KCNIP4: variants seen among roughly 807,000 people sequenced by gnomAD.
KCNIP4 encodes potassium voltage-gated channel interacting protein 4.
KCNIP4 carries 12 observed loss-of-function variants against 34.0 expected under a neutral mutation model. The observed-to-expected ratio is 0.35, with a 90% CI of 0.23 to 0.57. KCNIP4 has a LOEUF of 0.57. KCNIP4 is among the 20% of genes least tolerant of loss of function. The pLI, the probability that KCNIP4 is intolerant of heterozygous loss-of-function variation, is 0.83. For synonymous variants in KCNIP4, 124 were observed against 102.2 expected, an observed-to-expected ratio of 1.21 and a Z score of -1.29; for missense variants, 238 against 311.7, an observed-to-expected ratio of 0.76 and a Z score of 1.78.
intron 3 of KCNIP4, among the ~76,000 whole-genome samples, chr4:20,776,337 T>C (rs1039053486): frequency 1.8e-4 from 27 of 152,218 alleles, no homozygotes; most frequent in Non-Finnish European, 4.4e-5. Context: ...TACCAGTTGT[T>C]AACCTTAATG....
chr4:21,649,971 A>G (rs541799548), intron 1 of KCNIP4, among the ~76,000 whole-genome samples: 71 of 152,328 alleles, frequency 4.7e-4, no homozygotes, highest in Middle Eastern at 3.4e-3. Flanking sequence ...GCACACAACC[A>G]CAAATCTTTG....
At chr4:21,796,625 C>T (rs1046289765) in intron 1 of KCNIP4, among the ~76,000 whole-genome samples, 7 of 152,208 alleles carry the variant, frequency 4.6e-5, no homozygotes, top group Non-Finnish European at 1.0e-4. Context: ...AAGGAGGTAG[C>T]CATCTCTAAG....
chr4:21,439,729 T>C (rs1727283037), intron 1 of KCNIP4, among the ~76,000 whole-genome samples: 1 of 144,376 alleles, frequency 6.9e-6, no homozygotes, highest in East Asian at 2.0e-4. Flanking sequence ...AGCCATTTTA[T>C]GAGTGAAAGA....
intron 1 of KCNIP4, among the ~76,000 whole-genome samples, chr4:21,030,488 C>T (rs182315685): frequency 2.2e-4 from 34 of 152,132 alleles, no homozygotes; most frequent in South Asian, 1.5e-3. Context: ...CAAAACCATC[C>T]GCTGCTCCCC....
intron 1 of KCNIP4, among the ~76,000 whole-genome samples, chr4:21,575,088 G>A (rs1045475055): frequency 5.3e-5 from 8 of 152,110 alleles, no homozygotes; most frequent in African/African-American, 1.7e-4. Context: ...GTACAATACT[G>A]CATAACTTGT....
chr4:21,286,383 A>G (rs1262727347), intron 1 of KCNIP4, among the ~76,000 whole-genome samples: 1 of 152,156 alleles, frequency 6.6e-6, no homozygotes. Flanking sequence ...AGTAGACAGC[A>G]CCTCTAACTG....
rs527633070 is a variant in KCNIP4, at chr4:21,316,011, A to G, written c.62-433302T>C. On this transcript the variant is annotated intron_variant, in intron 1 of 8. Coordinates refer to ENST00000382152, the MANE Select transcript of KCNIP4 (RefSeq NM_025221.6). Reference sequence around the variant, plus strand: ...CATGAGAAACTACTGCTGTAACCCAAATGCCAGGGTGATTCCTCCAACTGC... The same window carrying G: ...CATGAGAAACTACTGCTGTAACCCAGATGCCAGGGTGATTCCTCCAACTGC... Among the ~76,000 whole-genome samples, 8 of 152,220 alleles carry G rather than the reference A, an allele frequency of 5.3e-5. No homozygotes were observed. The South Asian group carries it at 1.7e-3, about 32-fold the overall frequency.
intron 1 of KCNIP4, among the ~76,000 whole-genome samples, chr4:21,616,188 C>T (rs1018331122): frequency 1.3e-4 from 20 of 152,246 alleles, no homozygotes; most frequent in African/African-American, 4.8e-4. Context: ...CTTAGGGTCT[C>T]CCATTCCCTG....
intron 1 of KCNIP4, among the ~76,000 whole-genome samples, chr4:20,899,561 G>C (rs1183670552): frequency 3.9e-5 from 6 of 152,110 alleles, no homozygotes; most frequent in Non-Finnish European, 8.8e-5. Context: ...ATTCTTTTGA[G>C]TTATGCAAAG....
At chr4:20,868,832 T>C (rs778803345) in intron 2 of KCNIP4, among the ~76,000 whole-genome samples, 2 of 152,054 alleles carry the variant, frequency 1.3e-5, no homozygotes, top group African/African-American at 4.8e-5. Flanking sequence ...TACAGACTAC[T>C]GGGAAGGCGG....
chr4:21,530,229 C>CA (rs1189686693), intron 1 of KCNIP4, among the ~76,000 whole-genome samples: 3 of 151,580 alleles, frequency 2.0e-5, no homozygotes, highest in Non-Finnish European at 4.4e-5. Flanking sequence ...TTTTTGGTGG[C>CA]AAAAAAAATC....
intron 3 of KCNIP4, among the ~76,000 whole-genome samples, chr4:20,770,911 G>A (rs1755814071): frequency 6.6e-6 from 1 of 152,038 alleles, no homozygotes; most frequent in Non-Finnish European, 1.5e-5. Context: ...CTCCAGCCTG[G>A]GAGACAGAGC....
At chr4:21,444,577 A>C (rs1419195902) in intron 1 of KCNIP4, among the ~76,000 whole-genome samples, 1 of 152,182 alleles carries the variant, frequency 6.6e-6, no homozygotes, top group Non-Finnish European at 1.5e-5. Flanking sequence ...ATTCAACAGC[A>C]CTTCATGCTA....
chr4:21,555,507 T>C (rs1384898979), intron 1 of KCNIP4, among the ~76,000 whole-genome samples: 2 of 152,166 alleles, frequency 1.3e-5, no homozygotes, highest in Non-Finnish European at 2.9e-5. Flanking sequence ...TCAAATTTTC[T>C]TGTTTGAGCT....
At chr4:20,999,420 TTTTTTTGTTTGTTTTTTG>T (rs1324798998) in intron 1 of KCNIP4, among the ~76,000 whole-genome samples, 3,500 of 46,484 alleles carry the variant, frequency 0.075, 82 homozygotes, top group Non-Finnish European at 0.095. Context: ...TGGTGTTTTT[TTTTTTTGTTTGTTTTTTG>T]TTTTTTTTTT....
chr4:20,973,140 A>G (rs985449555), intron 1 of KCNIP4, among the ~76,000 whole-genome samples: 46 of 152,290 alleles, frequency 3.0e-4, no homozygotes, highest in African/African-American at 1.1e-3. Context: ...CTCTCTAGCT[A>G]TGAAACTTTT....
chr4:21,351,417 C>A (rs538368075), intron 1 of KCNIP4, among the ~76,000 whole-genome samples: 1 of 152,116 alleles, frequency 6.6e-6, no homozygotes, highest in Non-Finnish European at 1.5e-5. Context: ...TGCCTGCTGC[C>A]ATATAAGACA....
At chr4:21,207,566 G>T (rs868040529) in intron 1 of KCNIP4, among the ~76,000 whole-genome samples, 1 of 152,116 alleles carries the variant, frequency 6.6e-6, no homozygotes, top group Non-Finnish European at 1.5e-5. Flanking sequence ...ACAGCAATTT[G>T]TCTATGGCAC....
chr4:21,219,253 T>A (rs1757821453), intron 1 of KCNIP4, among the ~76,000 whole-genome samples: 1 of 152,130 alleles, frequency 6.6e-6, no homozygotes, highest in African/African-American at 2.4e-5. Flanking sequence ...TTAGAACATG[T>A]TCTGTCCACC....
Sources: gnomAD v4.1 joint callset for allele counts (sites outside exome capture counted in the v4.1 genomes callset) on GRCh38, gnomAD v4.1.1 for gene constraint, MANE v1.5 for transcripts, NCBI Gene and HGNC (gene_info 2026-07-23, HGNC 2026-07-21) for gene names.